ATG10: variants seen among roughly 807,000 people sequenced by gnomAD.
ATG10 encodes the protein autophagy related 10, also known as ubiquitin-like-conjugating enzyme ATG10.
A neutral mutation model predicts 32.1 loss-of-function variants in ATG10; 30 were observed. The ratio of observed to expected loss-of-function variants is 0.94; its 90% CI spans 0.70 to 1.27. The LOEUF is 1.27. Ranked by LOEUF, ATG10 falls within the 50% of genes most tolerant of loss-of-function variation. The pLI, the probability that ATG10 is intolerant of heterozygous loss-of-function variation, is 0.00. For synonymous variants in ATG10, 87 were observed against 91.5 expected (o/e 0.95, Z 0.28); for missense variants, 233 against 262.3 (o/e 0.89, Z 0.77).
intron 2 of ATG10, among the ~76,000 whole-genome samples, chr5:82,048,438 C>T (rs1763293722): frequency 6.6e-6 from 1 of 151,738 alleles, no homozygotes; most frequent in African/African-American, 2.4e-5. Flanking sequence ...CTTCACATCC[C>T]TTGTAAGTTG....
chr5:82,042,760 A>G (rs1282397500), intron 2 of ATG10, among the ~76,000 whole-genome samples: 1 of 152,154 alleles, frequency 6.6e-6, no homozygotes, highest in Non-Finnish European at 1.5e-5. Context: ...TAAAGCTCCA[A>G]AATAATCTCC....
intron 5 of ATG10, among the ~76,000 whole-genome samples, chr5:82,216,666 C>A (rs901686160): frequency 1.3e-5 from 2 of 152,192 alleles, no homozygotes. Flanking sequence ...AAATGTCTTA[C>A]ACTAGCAATA....
At chr5:82,085,892 GTTATT>G (rs747861133) in intron 3 of ATG10, among the ~76,000 whole-genome samples, 6 of 151,966 alleles carry the variant, frequency 3.9e-5, no homozygotes, top group Non-Finnish European at 8.8e-5. Flanking sequence ...TAAAAGTCAA[GTTATT>G]TTATTTTTAT....
At chr5:82,043,423 C>G (rs541869446) in intron 2 of ATG10, among the ~76,000 whole-genome samples, 10 of 152,324 alleles carry the variant, frequency 6.6e-5, no homozygotes, top group African/African-American at 2.2e-4. Flanking sequence ...CTAAAATACC[C>G]TGGAGACATT....
At chr5:82,086,618 A>T (rs1467058546) in intron 3 of ATG10, among the ~76,000 whole-genome samples, 4 of 152,106 alleles carry the variant, frequency 2.6e-5, no homozygotes, top group Admixed American at 2.6e-4. Context: ...AGTTCAAGAG[A>T]CCAACATGGC....
intron 3 of ATG10, among the ~76,000 whole-genome samples, chr5:82,120,294 C>G (rs1011571816): frequency 1.3e-5 from 2 of 152,140 alleles, no homozygotes; most frequent in Non-Finnish European, 2.9e-5. Flanking sequence ...GTAGAAACTT[C>G]CCTGGCCCAT....
At chr5:82,099,090 C>A (rs1057016153) in intron 3 of ATG10, among the ~76,000 whole-genome samples, 1 of 152,258 alleles carries the variant, frequency 6.6e-6, no homozygotes, top group Non-Finnish European at 1.5e-5. Context: ...GTTCACACTG[C>A]AACCTCACCT....
intron 2 of ATG10, among the ~76,000 whole-genome samples, chr5:82,041,324 A>G (rs1748101391): frequency 2.6e-5 from 4 of 152,230 alleles, no homozygotes; most frequent in Admixed American, 2.6e-4. Flanking sequence ...CTTGCTCACT[A>G]GTGGTTTCAC....
At chr5:82,124,986 C>G (rs1766205432) in intron 3 of ATG10, among the ~76,000 whole-genome samples, 1 of 152,158 alleles carries the variant, frequency 6.6e-6, no homozygotes, top group Admixed American at 6.6e-5. Context: ...ACCATTCTAA[C>G]TGGCATGAGA....
At chr5:82,149,324 A>G (rs548902720) in intron 3 of ATG10, among the ~76,000 whole-genome samples, 254 of 151,534 alleles carry the variant, frequency 1.7e-3, no homozygotes, top group Non-Finnish European at 3.1e-3. Flanking sequence ...TCACTTCCCT[A>G]TTCCCTTACT....
chr5:81,972,851 AC>A (rs776642508), intron 1 of ATG10, among the ~76,000 whole-genome samples: 1 of 152,144 alleles, frequency 6.6e-6, no homozygotes, highest in Non-Finnish European at 1.5e-5. Flanking sequence ...ATTTATAGAA[AC>A]TTTTAGTGGC....
chr5:82,131,455 C>T (rs1321213601), intron 3 of ATG10, among the ~76,000 whole-genome samples: 1 of 152,102 alleles, frequency 6.6e-6, no homozygotes, highest in Non-Finnish European at 1.5e-5. Context: ...CCTTTATCTT[C>T]TTCAAGTTTC....
At chr5:81,972,952 A>T (rs1405028270) in intron 1 of ATG10, among the ~76,000 whole-genome samples, 1 of 152,114 alleles carries the variant, frequency 6.6e-6, no homozygotes, top group African/African-American at 2.4e-5. Flanking sequence ...CCACCTGAAG[A>T]TGATTTAGAT....
chr5:82,224,686 A>G (rs1162833476), intron 5 of ATG10, among the ~76,000 whole-genome samples: 1 of 152,144 alleles, frequency 6.6e-6, no homozygotes, highest in African/African-American at 2.4e-5. Context: ...GAGGGTGTTT[A>G]AAGGAAAGCT....
intron 4 of ATG10, among the ~76,000 whole-genome samples, chr5:82,166,373 G>A (rs759543446): frequency 1.3e-5 from 2 of 152,094 alleles, no homozygotes; most frequent in Non-Finnish European, 2.9e-5. Flanking sequence ...TGGGTATTAG[G>A]AATTTAAAAT....
intron 4 of ATG10, among the ~76,000 whole-genome samples, chr5:82,166,612 C>A (rs1295071896): frequency 6.7e-6 from 1 of 149,470 alleles, no homozygotes; most frequent in Non-Finnish European, 1.5e-5. Flanking sequence ...TTCATTTATT[C>A]CCCCCCCAGT....
intron 5 of ATG10, among the ~76,000 whole-genome samples, chr5:82,187,641 C>T (rs1035776682): frequency 1.7e-4 from 26 of 151,538 alleles, no homozygotes; most frequent in South Asian, 6.3e-4. Flanking sequence ...TGCAGTGGCG[C>T]GATCTCTGAC....
At chr5:82,240,254 G>T (rs1746731937) in intron 5 of ATG10, among the ~76,000 whole-genome samples, 1 of 152,164 alleles carries the variant, frequency 6.6e-6, no homozygotes, top group African/African-American at 2.4e-5. Context: ...CAATAGTCAA[G>T]ATAGAAAATC....
intron 5 of ATG10, among the ~76,000 whole-genome samples, chr5:82,209,616 G>T (rs764053001): frequency 5.9e-5 from 9 of 152,140 alleles, no homozygotes; most frequent in Non-Finnish European, 1.0e-4. Context: ...TTATGGTATT[G>T]TTGTTACAGC....
Sources: gnomAD v4.1 joint callset for allele counts (sites outside exome capture counted in the v4.1 genomes callset) on GRCh38, gnomAD v4.1.1 for gene constraint, MANE v1.5 for transcripts, NCBI Gene and HGNC (gene_info 2026-07-23, HGNC 2026-07-21) for gene names.